ARHGAP6: variants seen among roughly 807,000 people sequenced by gnomAD.
The protein encoded by ARHGAP6 is rho GTPase-activating protein 6.
Under a neutral mutation model 55.7 loss-of-function variants are expected in ARHGAP6, and 16 were observed. That is an observed-to-expected ratio of 0.29 (90% CI 0.19 to 0.44). The LOEUF (loss-of-function observed/expected upper bound fraction) is 0.44, where lower values mean the gene tolerates loss of function less well. Among genes scored for constraint, ARHGAP6 ranks in the 20% least tolerant of loss-of-function variants. The pLI, the probability that ARHGAP6 is intolerant of heterozygous loss-of-function variation, is 1.00. For missense variants in ARHGAP6, 698 were observed against 808.9 expected, an observed-to-expected ratio of 0.86 and a Z score of 1.66; for synonymous variants, 382 against 360.9, an observed-to-expected ratio of 1.06 and a Z score of -0.66.
intron 1 of ARHGAP6, among the ~76,000 whole-genome samples, chrX:11,611,557 T>C (rs1423864404): frequency 2.7e-5 from 3 of 111,910 alleles, no homozygotes; most frequent in African/African-American, 9.7e-5. Flanking sequence ...AGTTGGGATC[T>C]AGTGAAGATC....
chrX:11,359,413 T>C (rs5935035), intron 1 of ARHGAP6, among the ~76,000 whole-genome samples: 6,906 of 112,291 alleles, frequency 0.062, 236 homozygotes, highest in African/African-American at 0.13. Context: ...AAATTAATTC[T>C]GTAAGTGGCA....
At chrX:11,433,063 A>G (rs66720805) in intron 1 of ARHGAP6, among the ~76,000 whole-genome samples, 13,820 of 111,993 alleles carry the variant, frequency 0.12, 783 homozygotes, top group Admixed American at 0.22. Flanking sequence ...GGTAAGTTTA[A>G]GGAGACAACC....
intron 1 of ARHGAP6, among the ~76,000 whole-genome samples, chrX:11,304,659 T>G (rs1042010653): frequency 4.5e-5 from 5 of 110,001 alleles, no homozygotes; most frequent in African/African-American, 1.7e-4. Flanking sequence ...TTTACCTTCT[T>G]TCTAGGGCTG....
At chrX:11,310,968 T>C (rs915520128) in intron 1 of ARHGAP6, among the ~76,000 whole-genome samples, 1 of 112,310 alleles carries the variant, frequency 8.9e-6, no homozygotes, top group African/African-American at 3.2e-5. Context: ...CCAAAGAGAT[T>C]AAATGCAACT....
intron 2 of ARHGAP6, among the ~76,000 whole-genome samples, chrX:11,215,023 C>T (rs1204680307): frequency 3.5e-5 from 4 of 113,310 alleles, no homozygotes; most frequent in African/African-American, 1.3e-4. Flanking sequence ...GAGGGCAGGC[C>T]GGGGTGGGCC....
chrX:11,139,078 C>T lies in ARHGAP6; in HGVS notation c.2710G>A (p.Val904Met), dbSNP rs188030198. The T allele has an allele frequency of 1.7e-6, 2 of 1,203,174 alleles. No homozygotes were observed. ...AAWIQGPPEG[V>M]ETPTDQGGQA... is the part of the protein sequence containing the mutation. ...CCTCCCTGGTCCGTGGGTGTCTCCACGCCTTCCGGGGGCCCCTGGATCCAG... is the reference window on the plus strand; with the variant it reads ...CCTCCCTGGTCCGTGGGTGTCTCCATGCCTTCCGGGGGCCCCTGGATCCAG... The change falls in exon 13 of 13, where the codon GTG becomes ATG. Residue 904 changes from valine to methionine, a missense_variant. Around this residue, in one of 3 missense-constraint regions of ARHGAP6, gnomAD observed 212 missense variants for 208.7 expected, o/e 1.02. Coordinates refer to ENST00000337414, the MANE Select transcript of ARHGAP6 (RefSeq NM_013427.3).
intron 1 of ARHGAP6, among the ~76,000 whole-genome samples, chrX:11,536,989 A>G (rs1161651556): frequency 1.8e-5 from 2 of 112,402 alleles, no homozygotes; most frequent in African/African-American, 6.5e-5. Context: ...CATCACAAAT[A>G]TTTCAAGCAT....
chrX:11,317,335 C>T (rs1220439596), intron 1 of ARHGAP6, among the ~76,000 whole-genome samples: 3 of 112,259 alleles, frequency 2.7e-5, no homozygotes, highest in African/African-American at 9.7e-5. Flanking sequence ...CACCTCTCCA[C>T]TTGTGACAAC....
intron 1 of ARHGAP6, among the ~76,000 whole-genome samples, chrX:11,265,157 T>C (rs976981377): frequency 1.2e-4 from 14 of 112,748 alleles, no homozygotes; most frequent in African/African-American, 4.2e-4. Context: ...CCTTTCATTA[T>C]GAGACATACC....
intron 1 of ARHGAP6, among the ~76,000 whole-genome samples, chrX:11,525,446 A>G (rs905570966): frequency 7.1e-5 from 8 of 112,124 alleles, no homozygotes; most frequent in African/African-American, 2.6e-4. Flanking sequence ...GGTGGAAAAG[A>G]TCATAGACAC....
chrX:11,310,495 A>G (rs777435805), intron 1 of ARHGAP6, among the ~76,000 whole-genome samples: 4 of 111,837 alleles, frequency 3.6e-5, no homozygotes, highest in Non-Finnish European at 5.6e-5. Context: ...ACAATAGAAT[A>G]TTATTCAGCC....
At chrX:11,308,571 C>T (rs968158133) in intron 1 of ARHGAP6, among the ~76,000 whole-genome samples, 55 of 111,312 alleles carry the variant, frequency 4.9e-4, no homozygotes, top group African/African-American at 1.7e-3. Flanking sequence ...AAAAGGGCAA[C>T]CTATGCCCTT....
intron 1 of ARHGAP6, among the ~76,000 whole-genome samples, chrX:11,274,621 C>CT (rs905356249): frequency 9.0e-6 from 1 of 111,222 alleles, no homozygotes; most frequent in African/African-American, 3.3e-5. Flanking sequence ...TTTTCTGTTT[C>CT]TTTTTTTAAT....
rs187893707 is a variant in ARHGAP6, at chrX:11,169,457, A to G, written c.1809+48T>C. On this transcript the variant is annotated intron_variant, in intron 9 of 12. Transcript: ENST00000337414. ...GAATTTCATCCTGCCTCCAGAGGAA[A>G]CCAATAGGCAGTTTGCTGTGATGTC... 6 of 1,110,629 alleles carry G rather than the reference A, an allele frequency of 5.4e-6. No individual in the cohort carries two copies. In the Middle Eastern group the frequency reaches 7.6e-4, roughly 140 times the overall value. 91.5% of individuals were successfully genotyped at this position (1,110,629 alleles called of 1,213,427 possible). A position where few individuals can be genotyped will look rare whatever the true frequency, so the allele number is the denominator to read the frequency against.
At chrX:11,420,839 A>G (rs938373839) in intron 1 of ARHGAP6, among the ~76,000 whole-genome samples, 4 of 112,053 alleles carry the variant, frequency 3.6e-5, no homozygotes, top group Non-Finnish European at 5.6e-5. Context: ...TTTGGAGATT[A>G]TAACTTCTAA....
At chrX:11,527,011 AGTGTGTGTGTGTGTGT>A (rs59668043) in intron 1 of ARHGAP6, among the ~76,000 whole-genome samples, 156 of 81,058 alleles carry the variant, frequency 1.9e-3, no homozygotes, top group African/African-American at 6.2e-3. Flanking sequence ...TAATATGAGG[AGTGTGTGTGTGTGTGT>A]GTGTGTGTGT....
chrX:11,504,059 G>A (rs752582362), intron 1 of ARHGAP6, among the ~76,000 whole-genome samples: 1 of 109,604 alleles, frequency 9.1e-6, no homozygotes, highest in Non-Finnish European at 1.9e-5. Context: ...TTTTTTTTGG[G>A]GGGGGGCTAC....
intron 1 of ARHGAP6, among the ~76,000 whole-genome samples, chrX:11,537,951 A>T (rs191633832): frequency 2.9e-5 from 3 of 102,704 alleles, no homozygotes; most frequent in African/African-American, 1.1e-4. Context: ...TCCTGGGAAT[A>T]AAAAAAAAAA....
chrX:11,165,961 A>T (rs1312859345), intron 9 of ARHGAP6, among the ~76,000 whole-genome samples: 1 of 111,888 alleles, frequency 8.9e-6, no homozygotes, highest in East Asian at 2.8e-4. Context: ...TCGTATTTTG[A>T]TATCTGTGGT....
Sources: allele counts gnomAD v4.1 joint callset (sites outside exome capture counted in the v4.1 genomes callset), GRCh38; gene constraint gnomAD v4.1.1; regional missense constraint gnomAD v4.1.1; transcripts MANE v1.5; gene names NCBI Gene and HGNC (gene_info 2026-07-23, HGNC 2026-07-21).